The following FAM3D variants were observed in gnomAD, a reference collection of about 807,000 sequenced individuals.
FAM3D encodes FAM3 metabolism regulating signaling molecule D.
FAM3D carries 26 observed loss-of-function variants against 29.8 expected under a neutral mutation model. That is an observed-to-expected ratio of 0.87 (90% CI 0.64 to 1.21). The LOEUF is 1.21. Among genes scored for constraint, FAM3D ranks in the 50% most tolerant of loss-of-function variants. FAM3D has a pLI of 0.00. For synonymous variants in FAM3D, 115 were observed against 102.3 expected (o/e 1.12, Z -0.75); for missense variants, 253 against 290.9 (o/e 0.87, Z 0.95).
At chr3:58,647,515 C>A (rs2066514981) in intron 4 of FAM3D, among the ~76,000 whole-genome samples, 1 of 152,264 alleles carries the variant, frequency 6.6e-6, no homozygotes, top group Non-Finnish European at 1.5e-5. Flanking sequence ...TCATTCCCAG[C>A]CCTGGGGACC....
At chr3:58,656,644 G>GTAAC in intron 1 of FAM3D, among the ~76,000 whole-genome samples, 1 of 152,130 alleles carries the variant, frequency 6.6e-6, no homozygotes, top group East Asian at 1.9e-4. Context: ...AAGGCAGCAG[G>GTAAC]TAACCTTCTC....
At chr3:58,646,900 G>C (rs1305147793) in intron 4 of FAM3D, among the ~76,000 whole-genome samples, 1 of 152,216 alleles carries the variant, frequency 6.6e-6, no homozygotes, top group Non-Finnish European at 1.5e-5. Context: ...CTACACCTGA[G>C]GCTGGTAGGG....
At chr3:58,637,988 G>A (rs1430297318) in intron 7 of FAM3D, among the ~76,000 whole-genome samples, 2 of 152,116 alleles carry the variant, frequency 1.3e-5, no homozygotes, top group African/African-American at 2.4e-5. Context: ...GGGTTCAAGC[G>A]ATTCTCCTGC....
chr3:58,641,549 G>A (rs774641742), intron 6 of FAM3D, among the ~76,000 whole-genome samples: 2 of 152,088 alleles, frequency 1.3e-5, no homozygotes, highest in Non-Finnish European at 2.9e-5. Context: ...GAGACGGGGC[G>A]GATTCGGGGG....
intron 3 of FAM3D, among the ~76,000 whole-genome samples, chr3:58,651,416 G>T (rs142971489): frequency 4.6e-5 from 7 of 152,278 alleles, no homozygotes; most frequent in Non-Finnish European, 1.0e-4. Context: ...CTTTCCCACT[G>T]GTTACATTTC....
intron 3 of FAM3D, among the ~76,000 whole-genome samples, chr3:58,650,898 T>A (rs1366894769): frequency 6.6e-6 from 1 of 151,964 alleles, no homozygotes; most frequent in Non-Finnish European, 1.5e-5. Context: ...TTTGTACTTT[T>A]AGTAGAGATG....
At chr3:58,664,181 C>T (rs2066986006) in intron 1 of FAM3D, among the ~76,000 whole-genome samples, 2 of 152,186 alleles carry the variant, frequency 1.3e-5, no homozygotes, top group African/African-American at 4.8e-5. Context: ...GATAAGACCT[C>T]CCATGCAAAG....
At chr3:58,646,013 G>A (rs1358523127) in intron 4 of FAM3D, among the ~76,000 whole-genome samples, 1 of 152,220 alleles carries the variant, frequency 6.6e-6, no homozygotes, top group Non-Finnish European at 1.5e-5. Context: ...AGAACTCCCA[G>A]GGACCCTGGC....
Position 58,634,355 on chromosome 3 carries a change from C to T in FAM3D, c.599G>A (p.Ser200Asn), listed in dbSNP as rs1167775362. 3.1e-6 allele frequency: 5 copies of T among 1,613,970 alleles called. No individual in the cohort carries two copies. The highest frequency in any genetic ancestry group is 4.5e-5 in the East Asian group (2 of 44,868). Residue 200 changes from serine (S) to asparagine (N), a missense_variant, in exon 10 of 10, where the codon AGC becomes AAC. By Grantham distance (46) the Ser-to-Asn change is conservative. Coordinates refer to ENST00000358781, the MANE Select transcript of FAM3D (RefSeq NM_138805.3). The surrounding 1 kb of genome is among the most constrained non-coding windows in gnomAD (Gnocchi z 4.6). Reference protein sequence around the residue: ...KSPFEQFLKNSPDTNKYEGWP... With the variant: ...KSPFEQFLKNNPDTNKYEGWP... ...TCCCTCGTATTTGTTTGTGTCTGGG[C>T]TGTTCTTTAAGAACTAGAGAGAGAG... is the stretch of plus-strand genomic sequence containing the variant.
intron 6 of FAM3D, 148 bp downstream of exon 6, chr3:58,643,514 A>C: frequency 2.3e-6 from 2 of 855,024 alleles, no homozygotes; most frequent in South Asian, 3.1e-5. Context: ...CTGTTCCCCC[A>C]GGCCAGCCAC....
chr3:58,639,999 T>G, intron 7 of FAM3D, 128 bp downstream of exon 7: 1 of 965,934 alleles, frequency 1.0e-6, no homozygotes, highest in Non-Finnish European at 1.7e-6. Context: ...ACCGCACCTC[T>G]TCCTGGGTGC....
At chr3:58,648,727 C>T (rs911561556) in intron 4 of FAM3D, among the ~76,000 whole-genome samples, 15 of 152,162 alleles carry the variant, frequency 9.9e-5, no homozygotes, top group Non-Finnish European at 1.6e-4. Context: ...AGCATTCTTG[C>T]CTTTAGGCCT....
At chr3:58,653,913 C>A in intron 2 of FAM3D, 132 bp from the exon 3 acceptor site, 2 of 719,198 alleles carry the variant, frequency 2.8e-6, no homozygotes, top group Non-Finnish European at 4.9e-6. Flanking sequence ...GGGACCAGAC[C>A]ATGGGACCAT....
intron 4 of FAM3D, among the ~76,000 whole-genome samples, chr3:58,647,128 G>C (rs576307747): frequency 6.6e-6 from 1 of 152,342 alleles, no homozygotes; most frequent in African/African-American, 2.4e-5. Context: ...GAATCTGAGA[G>C]GAAATGCCTG....
intron 3 of FAM3D, 114 bp from the exon 4 acceptor site, chr3:58,649,452 T>G: frequency 4.7e-6 from 6 of 1,288,370 alleles, no homozygotes; most frequent in African/African-American, 1.5e-5. Flanking sequence ...ATTGGCGCCA[T>G]TGAAATGAAC....
At chr3:58,647,813 G>C (rs938180669) in intron 4 of FAM3D, among the ~76,000 whole-genome samples, 1 of 152,214 alleles carries the variant, frequency 6.6e-6, no homozygotes, top group African/African-American at 2.4e-5. Context: ...CATGGAACTG[G>C]TGTGCTACCA....
intron 3 of FAM3D, among the ~76,000 whole-genome samples, chr3:58,650,077 A>G (rs1417332127): frequency 1.3e-5 from 2 of 152,162 alleles, no homozygotes; most frequent in African/African-American, 4.8e-5. Flanking sequence ...CCACTTCCTG[A>G]AATCTTATAC....
At chr3:58,639,503 C>G (rs928661533) in intron 7 of FAM3D, among the ~76,000 whole-genome samples, 2 of 152,210 alleles carry the variant, frequency 1.3e-5, no homozygotes, top group African/African-American at 4.8e-5. Flanking sequence ...TGGTCCTCAG[C>G]CCCTGGCCTG....
intron 7 of FAM3D, among the ~76,000 whole-genome samples, chr3:58,638,767 A>G (rs879432006): frequency 1.3e-5 from 2 of 152,304 alleles, no homozygotes; most frequent in African/African-American, 4.8e-5. Context: ...CATTCTCCCA[A>G]CTAAGGCCAG....
Sources: gnomAD v4.1 joint callset for allele counts (sites outside exome capture counted in the v4.1 genomes callset) on GRCh38, gnomAD v4.1.1 for gene constraint, Gnocchi (gnomAD v3.1) non-coding constraint, MANE v1.5 for transcripts, NCBI Gene and HGNC (gene_info 2026-07-23, HGNC 2026-07-21) for gene names.